Variants in ANK3 observed in about 807,000 individuals in gnomAD.
ANK3 encodes the protein ankyrin 3, also known as ankyrin-3.
Under a neutral mutation model 370.9 loss-of-function variants are expected in ANK3, and 57 were observed. The observed-to-expected ratio is 0.15, with a 90% CI of 0.12 to 0.19. ANK3 has a LOEUF of 0.19. ANK3 is among the 10% of genes least tolerant of loss of function. The pLI, the probability that ANK3 is intolerant of heterozygous loss-of-function variation, is 1.00. For synonymous variants in ANK3, 1,929 were observed against 1,946.3 expected (o/e 0.99, Z 0.23); for missense variants, 4,439 against 5,302.1 (o/e 0.84, Z 5.06).
chr10:60,180,519 G>A (rs1320691372), intron 18 of ANK3, among the ~76,000 whole-genome samples: 5 of 149,874 alleles, frequency 3.3e-5, no homozygotes, highest in African/African-American at 1.2e-4. Flanking sequence ...TTGCTTGAAC[G>A]TGGGAGGTGG....
At chr10:60,730,847 G>A (rs1209613054) in intron 1 of ANK3, among the ~76,000 whole-genome samples, 3 of 152,134 alleles carry the variant, frequency 2.0e-5, no homozygotes, top group Admixed American at 6.5e-5. Context: ...GCTGTATCAA[G>A]GCTAAACATT....
At chr10:60,679,117 T>C (rs1001893371) in intron 1 of ANK3, among the ~76,000 whole-genome samples, 1 of 152,152 alleles carries the variant, frequency 6.6e-6, no homozygotes, top group African/African-American at 2.4e-5. Context: ...GGCAATGATC[T>C]GAACAAGGGC....
intron 1 of ANK3, among the ~76,000 whole-genome samples, chr10:60,293,334 T>C (rs1407613424): frequency 2.0e-5 from 3 of 152,202 alleles, no homozygotes; most frequent in Non-Finnish European, 4.4e-5. Context: ...TCATGGTTCA[T>C]AGCGCTGAAC....
At chr10:60,398,549 T>C (rs778249306) in intron 2 of ANK3, among the ~76,000 whole-genome samples, 8 of 152,248 alleles carry the variant, frequency 5.3e-5, no homozygotes, top group Admixed American at 1.3e-4. Context: ...ATTTGTCCTC[T>C]GGATTTGAAC....
At chr10:60,214,830 A>T (rs1412422117) in intron 8 of ANK3, among the ~76,000 whole-genome samples, 8 of 152,112 alleles carry the variant, frequency 5.3e-5, no homozygotes, top group Admixed American at 3.9e-4. Flanking sequence ...ATACGTGTGC[A>T]TATGTCTTTA....
chr10:60,312,237 A>G (rs2046494355), intron 1 of ANK3, among the ~76,000 whole-genome samples: 1 of 151,870 alleles, frequency 6.6e-6, no homozygotes, highest in Non-Finnish European at 1.5e-5. Flanking sequence ...GAAAACCAAC[A>G]ATTACTGAGC....
intron 26 of ANK3, among the ~76,000 whole-genome samples, chr10:60,112,958 C>T (rs531987477): frequency 1.5e-4 from 23 of 152,288 alleles, no homozygotes; most frequent in African/African-American, 5.3e-4. Context: ...TTGAGATATT[C>T]ATCATTTTAA....
At chr10:60,270,110 A>G (rs1177819060) in intron 5 of ANK3, 21 bp downstream of exon 5, 7 of 1,490,392 alleles carry the variant, frequency 4.7e-6, no homozygotes, top group Non-Finnish European at 6.3e-6. Flanking sequence ...ACTCACCCAC[A>G]GGAAAAAAAC....
chr10:60,190,754 C>A (rs1198627294), intron 16 of ANK3, among the ~76,000 whole-genome samples: 1 of 152,110 alleles, frequency 6.6e-6, no homozygotes, highest in Non-Finnish European at 1.5e-5. Flanking sequence ...CATACGGAAC[C>A]AAAAGGGAGC....
intron 1 of ANK3, among the ~76,000 whole-genome samples, chr10:60,311,047 T>G (rs1202022307): frequency 1.3e-5 from 2 of 152,108 alleles, no homozygotes; most frequent in African/African-American, 4.8e-5. Context: ...TTATCAGAGA[T>G]AGGAAACAAA....
At chr10:60,219,570 G>T (rs1248152520) in intron 8 of ANK3, among the ~76,000 whole-genome samples, 1 of 152,190 alleles carries the variant, frequency 6.6e-6, no homozygotes, top group East Asian at 1.9e-4. Flanking sequence ...AGTGGGAAGG[G>T]AGACTCTGCA....
At chr10:60,066,957 T>C (rs906844068) in intron 38 of ANK3, among the ~76,000 whole-genome samples, 5 of 152,202 alleles carry the variant, frequency 3.3e-5, no homozygotes, top group African/African-American at 1.2e-4. Context: ...TCTCACGCTA[T>C]TACCCAGACT....
At chr10:60,635,870 G>GCCC (rs2078548205) in intron 1 of ANK3, among the ~76,000 whole-genome samples, 2 of 152,082 alleles carry the variant, frequency 1.3e-5, no homozygotes, top group Non-Finnish European at 2.9e-5. Context: ...AATAGACAAA[G>GCCC]GCCAGGGATG....
intron 2 of ANK3, chr10:60,507,486 ACTAT>A (rs1360726138): frequency 1.3e-5 from 2 of 152,130 alleles, no homozygotes; most frequent in African/African-American, 4.8e-5. Context: ...GAATCCAGGT[ACTAT>A]CTAAGTATGC....
intron 7 of ANK3, among the ~76,000 whole-genome samples, chr10:60,261,278 A>G (rs1011841237): frequency 3.9e-5 from 6 of 152,222 alleles, no homozygotes; most frequent in African/African-American, 1.2e-4. Flanking sequence ...GAGCAGTGCT[A>G]CTATGTTTGG....
intron 2 of ANK3, among the ~76,000 whole-genome samples, chr10:60,568,666 C>T (rs1336189141): frequency 6.6e-6 from 1 of 152,168 alleles, no homozygotes; most frequent in Non-Finnish European, 1.5e-5. Flanking sequence ...ATTAAGCACA[C>T]CTAAGTTGTG....
At chr10:60,614,182 T>C (rs2078238257) in intron 2 of ANK3, among the ~76,000 whole-genome samples, 1 of 152,170 alleles carries the variant, frequency 6.6e-6, no homozygotes, top group Non-Finnish European at 1.5e-5. Flanking sequence ...TAATTAATAG[T>C]TAGTTTAATC....
At chr10:60,396,349 A>G (rs903476631) in intron 2 of ANK3, among the ~76,000 whole-genome samples, 4 of 152,174 alleles carry the variant, frequency 2.6e-5, no homozygotes, top group African/African-American at 9.7e-5. Flanking sequence ...ATTTCACTCT[A>G]TTAGGGTAGT....
At chr10:60,485,746 C>G (rs1399323615) in intron 2 of ANK3, among the ~76,000 whole-genome samples, 2 of 152,152 alleles carry the variant, frequency 1.3e-5, no homozygotes, top group Non-Finnish European at 2.9e-5. Flanking sequence ...CTTTCAGTGT[C>G]TAGCACACTT....
Sources: allele counts gnomAD v4.1 joint callset (sites outside exome capture counted in the v4.1 genomes callset), GRCh38; gene constraint gnomAD v4.1.1; transcripts MANE v1.5; gene names NCBI Gene and HGNC (gene_info 2026-07-23, HGNC 2026-07-21).